The following GRM8 variants were observed in gnomAD, a reference collection of about 807,000 sequenced individuals.
GRM8 encodes the protein metabotropic glutamate receptor 8.
In GRM8, 47 loss-of-function variants were observed where a neutral mutation model predicts 87.2. That is an observed-to-expected ratio of 0.54 (90% CI 0.43 to 0.69). The LOEUF is 0.69. GRM8 is among the 30% of genes least tolerant of loss of function. GRM8 has a pLI of 0.00. For missense variants in GRM8, 1,019 were observed against 1,139.2 expected (o/e 0.89, Z 1.52); for synonymous variants, 396 against 404.5 (o/e 0.98, Z 0.25).
intron 3 of GRM8, among the ~76,000 whole-genome samples, chr7:127,015,131 GAGAAGGA>G (rs761354324): frequency 1.6e-5 from 2 of 128,832 alleles, no homozygotes; most frequent in East Asian, 2.6e-4. Context: ...GAAGGAGAAG[GAGAAGGA>G]AGAAGGAAGA....
intron 8 of GRM8, among the ~76,000 whole-genome samples, chr7:126,552,264 A>G (rs1377389550): frequency 6.6e-6 from 1 of 152,066 alleles, no homozygotes; most frequent in Admixed American, 6.6e-5. Flanking sequence ...GAACTCCTCT[A>G]TTAGTTTTAA....
chr7:126,441,626 ATAAT>A lies in GRM8; in HGVS notation c.2678-2462_2678-2459del, dbSNP rs1801470197. On this transcript the variant is annotated intron_variant, in intron 10 of 10. Coordinates refer to ENST00000339582, the MANE Select transcript of GRM8 (RefSeq NM_000845.3). ...TCAGGATGAAACAGATTTTTAGAAA[ATAAT>A]TTATTTATTGAACATTGAATAAGAC... Among the ~76,000 whole-genome samples the A allele has an allele frequency of 5.9e-5, 9 of 152,200 alleles. 1 individual carries two copies. In the South Asian group the frequency reaches 1.9e-3, roughly 32 times the overall value.
chr7:126,467,410 A>T (rs1481732786), intron 9 of GRM8, among the ~76,000 whole-genome samples: 6 of 151,988 alleles, frequency 3.9e-5, no homozygotes, highest in Admixed American at 3.9e-4. Context: ...CTTTTCTTTT[A>T]AAAAAGAACA....
chr7:126,829,792 T>C (rs899963271), intron 6 of GRM8, among the ~76,000 whole-genome samples: 1 of 152,224 alleles, frequency 6.6e-6, no homozygotes, highest in African/African-American at 2.4e-5. Flanking sequence ...AGTTTCTTCC[T>C]AGTCTCGATG....
chr7:126,752,064 G>C (rs913564941), intron 7 of GRM8, among the ~76,000 whole-genome samples: 1 of 152,142 alleles, frequency 6.6e-6, no homozygotes, highest in Non-Finnish European at 1.5e-5. Context: ...TCCTTGCATG[G>C]AGTGGGAGGA....
At chr7:127,126,060 A>T (rs950420631) in intron 2 of GRM8, among the ~76,000 whole-genome samples, 1 of 152,104 alleles carries the variant, frequency 6.6e-6, no homozygotes, top group African/African-American at 2.4e-5. Context: ...TATGGAAAAC[A>T]GTAAAGAGAT....
Position 126,566,016 on chromosome 7 carries a change from G to A in GRM8, c.1495-32129C>T, listed in dbSNP as rs140848305. ...GAATAAAACTGGCACTTTTATTATT[G>A]CCATATGCAAAAATCAAGTCAAAAT... On this transcript the variant is annotated intron_variant, in intron 8 of 10. Coordinates refer to ENST00000339582, the MANE Select transcript of GRM8 (RefSeq NM_000845.3). 2.0e-5 allele frequency among the ~76,000 whole-genome samples: 3 copies of A among 152,194 alleles called. No individual in the cohort carries two copies. In the East Asian group the frequency reaches 5.8e-4, roughly 29 times the overall value.
chr7:126,640,517 T>G (rs1355308786), intron 7 of GRM8, among the ~76,000 whole-genome samples: 1 of 152,212 alleles, frequency 6.6e-6, no homozygotes, highest in South Asian at 2.1e-4. Flanking sequence ...TATATATTGA[T>G]TTATGTATAA....
At chr7:127,028,720 TTTC>T (rs1400109370) in intron 3 of GRM8, among the ~76,000 whole-genome samples, 2 of 152,128 alleles carry the variant, frequency 1.3e-5, no homozygotes, top group African/African-American at 4.8e-5. Context: ...TTGATCCTTC[TTTC>T]TTTTCTTATT....
At chr7:126,931,108 T>C (rs1025869647) in intron 3 of GRM8, among the ~76,000 whole-genome samples, 2 of 152,076 alleles carry the variant, frequency 1.3e-5, no homozygotes, top group African/African-American at 4.8e-5. Context: ...AAGGGAAAAA[T>C]GCGTTAGTTA....
chr7:126,927,800 T>C (rs1455303429), intron 3 of GRM8, among the ~76,000 whole-genome samples: 1 of 152,186 alleles, frequency 6.6e-6, no homozygotes, highest in Non-Finnish European at 1.5e-5. Context: ...ATTGTGGAAG[T>C]CGGTGTGGCA....
intron 3 of GRM8, among the ~76,000 whole-genome samples, chr7:127,060,733 C>G (rs1269236438): frequency 1.3e-5 from 2 of 151,854 alleles, no homozygotes; most frequent in Non-Finnish European, 2.9e-5. Flanking sequence ...TGAGAAATTC[C>G]TAGTTTTTGC....
intron 3 of GRM8, among the ~76,000 whole-genome samples, chr7:126,989,958 A>AC (rs530960938): frequency 3.5e-4 from 54 of 152,196 alleles, no homozygotes; most frequent in African/African-American, 1.3e-3. Context: ...CTCAAAAAAA[A>AC]AATGGGGGAT....
At chr7:126,588,188 G>A (rs557659058) in intron 8 of GRM8, among the ~76,000 whole-genome samples, 22 of 152,326 alleles carry the variant, frequency 1.4e-4, no homozygotes, top group African/African-American at 5.1e-4. Context: ...TTACAGGCAA[G>A]TCTAGAAGAG....
chr7:126,965,228 A>G (rs1370648274), intron 3 of GRM8, among the ~76,000 whole-genome samples: 1 of 152,138 alleles, frequency 6.6e-6, no homozygotes, highest in Non-Finnish European at 1.5e-5. Context: ...GTTGATGGGT[A>G]CAGCAAACCA....
intron 2 of GRM8, among the ~76,000 whole-genome samples, chr7:127,213,545 C>G (rs568772851): frequency 6.6e-6 from 1 of 152,200 alleles, no homozygotes; most frequent in African/African-American, 2.4e-5. Context: ...CTCTCTTTCC[C>G]TGACTCCATT....
At chr7:126,971,705 T>A (rs952213238) in intron 3 of GRM8, among the ~76,000 whole-genome samples, 17 of 152,196 alleles carry the variant, frequency 1.1e-4, no homozygotes, top group Non-Finnish European at 2.2e-4. Flanking sequence ...ATGGAGGTTG[T>A]CGGCAGGTTT....
At chr7:126,970,425 G>A (rs17866902) in intron 3 of GRM8, among the ~76,000 whole-genome samples, 22,869 of 152,092 alleles carry the variant, frequency 0.15, 1,982 homozygotes, top group Non-Finnish European at 0.21. Flanking sequence ...TTCTGGTTAT[G>A]GAAACAGCTT....
chr7:127,142,705 T>G (rs970728382), intron 2 of GRM8, among the ~76,000 whole-genome samples: 1 of 151,984 alleles, frequency 6.6e-6, no homozygotes, highest in African/African-American at 2.4e-5. Context: ...ATGGATTGGA[T>G]GGATGGATGG....
Sources: gnomAD v4.1 joint callset for allele counts (sites outside exome capture counted in the v4.1 genomes callset) on GRCh38, gnomAD v4.1.1 for gene constraint, MANE v1.5 for transcripts, NCBI Gene and HGNC (gene_info 2026-07-23, HGNC 2026-07-21) for gene names.